The following RYR2 variants were observed in gnomAD, a reference collection of about 807,000 sequenced individuals.
The protein encoded by RYR2 is cardiac muscle ryanodine receptor-calcium release channel.
RYR2 carries 227 observed loss-of-function variants against 601.1 expected under a neutral mutation model. The ratio of observed to expected loss-of-function variants is 0.38; its 90% CI spans 0.34 to 0.42. The LOEUF (loss-of-function observed/expected upper bound fraction) is 0.42. Ranked by LOEUF, RYR2 falls within the 10% of genes least tolerant of loss-of-function variation. The pLI is 1.00. For missense variants in RYR2, 4,646 were observed against 6,156.5 expected (o/e 0.75, Z 8.21); for synonymous variants, 2,223 against 2,175.1 (o/e 1.02, Z -0.61).
chr1:237,292,708 T>C (rs73125461), intron 2 of RYR2, among the ~76,000 whole-genome samples: 1,638 of 152,312 alleles, frequency 0.011, 28 homozygotes, highest in African/African-American at 0.035. Flanking sequence ...TTTTCAAGGT[T>C]ACACGTTAAA....
intron 35 of RYR2, among the ~76,000 whole-genome samples, chr1:237,606,454 C>T (rs1677135392): frequency 6.6e-6 from 1 of 152,180 alleles, no homozygotes; most frequent in African/African-American, 2.4e-5. Flanking sequence ...CGACCTAAAA[C>T]CATAAAAACC....
intron 80 of RYR2, among the ~76,000 whole-genome samples, chr1:237,750,890 A>G (rs1692484151): frequency 6.6e-6 from 1 of 152,216 alleles, no homozygotes; most frequent in Non-Finnish European, 1.5e-5. Flanking sequence ...TAGACAGATA[A>G]TTCTTGGCAG....
intron 16 of RYR2, among the ~76,000 whole-genome samples, chr1:237,457,678 G>A (rs1193941796): frequency 6.6e-6 from 1 of 152,202 alleles, no homozygotes; most frequent in Non-Finnish European, 1.5e-5. Flanking sequence ...CCTGGCCTTT[G>A]CTGTGGATGG....
intron 7 of RYR2, among the ~76,000 whole-genome samples, chr1:237,376,171 A>G (rs1320020040): frequency 6.6e-6 from 1 of 152,230 alleles, no homozygotes; most frequent in Non-Finnish European, 1.5e-5. Flanking sequence ...AAAAATGTGA[A>G]TTGGATGAAT....
In RYR2 at chr1:237,787,997, T is replaced by C. The variant is rs1657866854; in HGVS notation, c.13338T>C (p.Asp4446=). The change falls in exon 92 of 105, where the codon GAT becomes GAC. Residue 4446 remains aspartate, a synonymous_variant. Transcript: ENST00000366574. ...KSEPEKAEGE[D]GEKEEKAKED... is the part of the protein sequence containing the mutation. ...TTGTTTGTTTTCATAGGGGAGAAGA[T>C]GGAGAAAAAGAAGAGAAAGCCAAGG... 1.9e-6 allele frequency: 3 copies of C among 1,592,302 alleles called. No individual in the cohort carries two copies. The highest frequency in any genetic ancestry group is 1.7e-6 in the Non-Finnish European group (2 of 1,168,456).
intron 24 of RYR2, among the ~76,000 whole-genome samples, chr1:237,521,251 A>G (rs1003648950): frequency 6.6e-6 from 1 of 152,202 alleles, no homozygotes; most frequent in Non-Finnish European, 1.5e-5. Context: ...CACAACAAAA[A>G]AGAAAACTAC....
At chr1:237,458,482 T>A (rs1659100005) in intron 16 of RYR2, among the ~76,000 whole-genome samples, 1 of 152,154 alleles carries the variant, frequency 6.6e-6, no homozygotes, top group Admixed American at 6.6e-5. Flanking sequence ...CTCTTAAGTA[T>A]AATTGAACCT....
intron 1 of RYR2, among the ~76,000 whole-genome samples, chr1:237,188,154 G>T (rs1422341646): frequency 6.6e-6 from 1 of 152,142 alleles, no homozygotes. Context: ...GCTCTGGCAG[G>T]TTGGCGAATT....
At chr1:237,253,451 T>A (rs1687667991) in intron 1 of RYR2, among the ~76,000 whole-genome samples, 1 of 152,214 alleles carries the variant, frequency 6.6e-6, no homozygotes, top group Non-Finnish European at 1.5e-5. Context: ...TTTTACGTTT[T>A]CCATCCATTA....
intron 63 of RYR2, among the ~76,000 whole-genome samples, chr1:237,697,525 A>T (rs1377980141): frequency 2.1e-5 from 3 of 145,456 alleles, no homozygotes; most frequent in Non-Finnish European, 4.5e-5. Flanking sequence ...ATCTTTTTGT[A>T]TATAACAAAT....
In RYR2 at chr1:237,112,244, G is replaced by T. The variant is rs528503000; in HGVS notation, c.48+69675G>T. Among the ~76,000 whole-genome samples, 3 of 152,266 alleles carry T rather than the reference G, an allele frequency of 2.0e-5. No individual in the cohort carries two copies. The South Asian group carries it at 6.2e-4, about 32-fold the overall frequency. On this transcript the variant is annotated intron_variant, in intron 1 of 104. Coordinates refer to ENST00000366574, the MANE Select transcript of RYR2 (RefSeq NM_001035.3). ...TTCTCCTGCCTCAGCCTCCTGAGTA[G>T]CTGGGATTACAAGCGTCCACCACCA...
At position 237,807,092 on chromosome 1, in the gene RYR2, T is replaced by C. The variant is rs907472182; in HGVS notation, c.14298+809T>C. On this transcript the variant is annotated intron_variant, in intron 99 of 104. Transcript: ENST00000366574. ...TGGGTCCACAGTTAAGTCCACATTA[T>C]CATCAGTTTTCTAAATTTCAGCATG... Among the ~76,000 whole-genome samples the C allele has an allele frequency of 1.3e-4, 20 of 152,202 alleles. 1 individual carries two copies. Among genetic ancestry groups the C allele is most frequent in the Admixed American group, 9.8e-4 (15 of 15,284 alleles).
intron 3 of RYR2, among the ~76,000 whole-genome samples, chr1:237,343,354 C>T (rs796725563): frequency 6.5e-4 from 99 of 152,236 alleles, no homozygotes; most frequent in African/African-American, 2.3e-3. Flanking sequence ...AAATTAAATA[C>T]TTCATAAGCT....
chr1:237,113,061 G>A (rs1047625863), intron 1 of RYR2, among the ~76,000 whole-genome samples: 1 of 152,084 alleles, frequency 6.6e-6, no homozygotes, highest in African/African-American at 2.4e-5. Flanking sequence ...AGTAGGAATT[G>A]AGAACAAAAC....
At chr1:237,641,469 C>CTTTCTTTCTTTCTTTCTTTCTTTCTT (rs1376609923) in intron 47 of RYR2, among the ~76,000 whole-genome samples, 32 of 24,994 alleles carry the variant, frequency 1.3e-3, no homozygotes, top group African/African-American at 2.3e-3. Context: ...TAGTGTCTGT[C>CTTTCTTTCTTTCTTTCTTTCTTTCTT]TGTCTTTCTT....
intron 16 of RYR2, 54 bp from the exon 17 acceptor site, chr1:237,469,038 C>T (rs1660388351): frequency 6.9e-7 from 1 of 1,454,192 alleles, no homozygotes; most frequent in Non-Finnish European, 9.6e-7. Context: ...TAGCTTATCT[C>T]AATTTTCGAG....
chr1:237,396,082 A>G (rs1249665374), intron 10 of RYR2, among the ~76,000 whole-genome samples: 2 of 152,224 alleles, frequency 1.3e-5, no homozygotes, highest in African/African-American at 4.8e-5. Flanking sequence ...CTTTAATGTA[A>G]GTTTGGTTAA....
intron 12 of RYR2, among the ~76,000 whole-genome samples, chr1:237,427,015 T>C (rs1456977007): frequency 6.6e-6 from 1 of 152,120 alleles, no homozygotes; most frequent in African/African-American, 2.4e-5. Context: ...CTTCTTAAGA[T>C]TGAAAACTCA....
chr1:237,107,156 A>C (rs949786361), intron 1 of RYR2, among the ~76,000 whole-genome samples: 2 of 152,202 alleles, frequency 1.3e-5, no homozygotes, highest in African/African-American at 4.8e-5. Context: ...CCAACACATT[A>C]AACAATGACA....
Sources: gnomAD v4.1 joint callset for allele counts (sites outside exome capture counted in the v4.1 genomes callset) on GRCh38, gnomAD v4.1.1 for gene constraint, MANE v1.5 for transcripts, NCBI Gene and HGNC (gene_info 2026-07-23, HGNC 2026-07-21) for gene names.